PSD3: variants seen among roughly 807,000 people sequenced by gnomAD.
PSD3 encodes the protein PH and SEC7 domain-containing protein 3.
A neutral mutation model predicts 105.5 loss-of-function variants in PSD3; 49 were observed. The ratio of observed to expected loss-of-function variants is 0.46; its 90% CI spans 0.37 to 0.59. The LOEUF (loss-of-function observed/expected upper bound fraction) is 0.59, where lower values mean the gene tolerates loss of function less well. Among genes scored for constraint, PSD3 ranks in the 20% least tolerant of loss-of-function variants. PSD3 has a pLI of 0.00. For missense variants in PSD3, 1,561 were observed against 1,263.8 expected, an observed-to-expected ratio of 1.24 and a Z score of -3.57; for synonymous variants, 557 against 457.8, an observed-to-expected ratio of 1.22 and a Z score of -2.77.
At chr8:19,070,911 T>G (rs1423472185) in intron 1 of PSD3, among the ~76,000 whole-genome samples, 2 of 152,196 alleles carry the variant, frequency 1.3e-5, no homozygotes, top group East Asian at 3.8e-4. Context: ...CTTTAACTCT[T>G]TTCTTTAGTT....
chr8:18,735,152 C>G (rs1804052957), intron 9 of PSD3, among the ~76,000 whole-genome samples: 1 of 152,120 alleles, frequency 6.6e-6, no homozygotes, highest in African/African-American at 2.4e-5. Flanking sequence ...CCAAAAATCC[C>G]TAAGTTCTCT....
At chr8:18,727,851 C>A (rs1308760333) in intron 9 of PSD3, among the ~76,000 whole-genome samples, 2 of 152,064 alleles carry the variant, frequency 1.3e-5, no homozygotes, top group Non-Finnish European at 2.9e-5. Context: ...TAACATATCC[C>A]ACCCATCGAG....
intron 9 of PSD3, chr8:18,729,997 A>T (rs1803617623): frequency 6.6e-6 from 1 of 152,242 alleles, no homozygotes; most frequent in South Asian, 2.1e-4. Context: ...AAAAGGAAGA[A>T]AGCATCATAA....
intron 9 of PSD3, among the ~76,000 whole-genome samples, chr8:18,710,583 C>A (rs929155492): frequency 2.6e-5 from 4 of 152,010 alleles, no homozygotes; most frequent in South Asian, 2.1e-4. Context: ...TTAAAGGGAG[C>A]CAGGGAAAAA....
chr8:18,737,638 T>C (rs1804252949), intron 9 of PSD3, among the ~76,000 whole-genome samples: 1 of 152,162 alleles, frequency 6.6e-6, no homozygotes, highest in Non-Finnish European at 1.5e-5. Context: ...AAAAGGTCTA[T>C]GGCTTTATAA....
chr8:18,916,849 A>T (rs1820648471), intron 2 of PSD3, among the ~76,000 whole-genome samples: 1 of 152,084 alleles, frequency 6.6e-6, no homozygotes, highest in African/African-American at 2.4e-5. Context: ...AATCTATATA[A>T]TTTTTGTCAA....
chr8:18,901,840 A>C (rs1288192592), intron 2 of PSD3, among the ~76,000 whole-genome samples: 1 of 152,030 alleles, frequency 6.6e-6, no homozygotes, highest in East Asian at 1.9e-4. Flanking sequence ...CAGCTCTTTG[A>C]CTATGTATCA....
rs750663418 is a variant in PSD3, at chr8:18,556,190, A to G, written c.2928+19T>C. 2 of 1,611,692 alleles carry G rather than the reference A, an allele frequency of 1.2e-6. No individual in the cohort carries two copies. The highest frequency in any genetic ancestry group is 1.7e-6 in the Non-Finnish European group (2 of 1,178,994). On this transcript the variant is annotated intron_variant, in intron 15 of 15. Coordinates refer to ENST00000327040, the MANE Select transcript of PSD3 (RefSeq NM_015310.4). ...AAAACTCAGAAATCAGCATTTACTAACATTTGGGTGCAACACACCTCAAAC... is the reference window on the plus strand; with the variant it reads ...AAAACTCAGAAATCAGCATTTACTAGCATTTGGGTGCAACACACCTCAAAC...
chr8:18,820,868 T>C lies in PSD3; in HGVS notation c.1635-15970A>G, dbSNP rs577469102. ...TCCTGGGCACAGGCAATCCTCCCTC[T>C]TCAGCCTCCTAACTGGGACCACAGG... is the stretch of plus-strand genomic sequence containing the variant. On this transcript the variant is annotated intron_variant, in intron 4 of 15. Coordinates refer to ENST00000327040, the MANE Select transcript of PSD3 (RefSeq NM_015310.4). Among the ~76,000 whole-genome samples the C allele has an allele frequency of 3.7e-3, 51 of 13,850 alleles. No homozygotes were observed. In the South Asian group the frequency reaches 0.1, roughly 28 times the overall value. The allele number at this position is 13,850 out of a possible 152,430, so 9.1% of individuals were successfully genotyped here. A position where few individuals can be genotyped will look rare whatever the true frequency, so the allele number is the denominator to read the frequency against.
intron 2 of PSD3, among the ~76,000 whole-genome samples, chr8:18,883,861 T>A (rs1818283683): frequency 6.6e-6 from 1 of 152,224 alleles, no homozygotes; most frequent in Non-Finnish European, 1.5e-5. Flanking sequence ...ACTAATAATC[T>A]GTTTTCCCTC....
At chr8:18,693,666 T>C (rs1563176378) in intron 9 of PSD3, among the ~76,000 whole-genome samples, 1 of 152,196 alleles carries the variant, frequency 6.6e-6, no homozygotes, top group African/African-American at 2.4e-5. Context: ...GTTGCAGTTG[T>C]GGTGGCAACT....
At chr8:18,734,116 T>A (rs1391485784) in intron 9 of PSD3, 1 of 152,216 alleles carries the variant, frequency 6.6e-6, no homozygotes, top group Non-Finnish European at 1.5e-5. Context: ...TTCTTAATAT[T>A]GACAAACATT....
At chr8:18,705,635 T>C (rs1033127471) in intron 9 of PSD3, among the ~76,000 whole-genome samples, 2 of 151,786 alleles carry the variant, frequency 1.3e-5, no homozygotes, top group Non-Finnish European at 2.9e-5. Context: ...CATATTGATA[T>C]GTAAAGATCT....
chr8:18,789,454 A>G (rs560755705), intron 8 of PSD3, among the ~76,000 whole-genome samples: 4 of 152,270 alleles, frequency 2.6e-5, no homozygotes, highest in Admixed American at 2.6e-4. Flanking sequence ...TATTCACTTA[A>G]TGGGTTTTTA....
chr8:18,848,773 C>T (rs949664448), intron 4 of PSD3, among the ~76,000 whole-genome samples: 18 of 152,166 alleles, frequency 1.2e-4, no homozygotes, highest in African/African-American at 3.4e-4. Context: ...AGTAAACTCA[C>T]CCTAGGTTGG....
rs1017029002 is a variant in PSD3 at position 18,534,814 on chromosome 8, C to G, written c.*929G>C. 2.6e-5 allele frequency: 4 copies of G among 152,504 alleles called. No homozygotes were observed. The highest frequency in any genetic ancestry group is 2.6e-4 in the Admixed American group (4 of 15,256). The allele number at this position is 152,504 out of a possible 1,614,324, so 9.4% of individuals were successfully genotyped here. Reference sequence around the variant, plus strand: ...AACCCCATGCCCACACACGCACACACACGCACGCACACACACATATGTAGA... The same window carrying G: ...AACCCCATGCCCACACACGCACACAGACGCACGCACACACACATATGTAGA... On this transcript the variant is annotated 3_prime_UTR_variant, in exon 16 of 16. Transcript: ENST00000327040.
chr8:19,072,311 T>C (rs956939843), intron 1 of PSD3, among the ~76,000 whole-genome samples: 3 of 151,766 alleles, frequency 2.0e-5, no homozygotes, highest in African/African-American at 7.3e-5. Context: ...GGTCTCGAAC[T>C]CCTGAGCTCA....
rs985630410 is a variant in PSD3 at position 18,706,405 on chromosome 8, T to TA, written c.2173-50721dup. Among the ~76,000 whole-genome samples, 545 of 151,994 alleles carry TA rather than the reference T, an allele frequency of 3.6e-3. 7 individuals are homozygous for TA. The highest frequency in any genetic ancestry group is 0.012 in the African/African-American group (483 of 41,438). On this transcript the variant is annotated intron_variant, in intron 9 of 15. Transcript: ENST00000327040. ...ATGTATTACACAAACACACATTGGT[T>TA]AAAAAAAAGAAAACCTTAAAACAAC...
At chr8:18,849,123 T>C (rs946970085) in intron 4 of PSD3, 4 of 152,196 alleles carry the variant, frequency 2.6e-5, no homozygotes, top group Non-Finnish European at 5.9e-5. Context: ...GGCAACTAAA[T>C]AGGTATTCAT....
Sources: gnomAD v4.1 joint callset for allele counts (sites outside exome capture counted in the v4.1 genomes callset) on GRCh38, gnomAD v4.1.1 for gene constraint, MANE v1.5 for transcripts, NCBI Gene and HGNC (gene_info 2026-07-23, HGNC 2026-07-21) for gene names.